TRIQK: variants seen among roughly 807,000 people sequenced by gnomAD.
The protein encoded by TRIQK is triple QxxK/R motif-containing protein.
A neutral mutation model predicts 10.8 loss-of-function variants in TRIQK; 10 were observed. The ratio of observed to expected loss-of-function variants is 0.92; its 90% CI spans 0.57 to 1.57. TRIQK has a LOEUF of 1.57. Ranked by LOEUF, TRIQK falls within the 40% of genes most tolerant of loss-of-function variation. The probability of loss-of-function intolerance (pLI) is 0.00; values close to 1 mark genes in which losing one functional copy is unlikely to be tolerated. For synonymous variants in TRIQK, 33 were observed against 33.7 expected, an observed-to-expected ratio of 0.98 and a Z score of 0.07; for missense variants, 107 against 97.7, an observed-to-expected ratio of 1.09 and a Z score of -0.40.
At chr8:92,980,375 G>T (rs553356449) in intron 1 of TRIQK, among the ~76,000 whole-genome samples, 1 of 152,022 alleles carries the variant, frequency 6.6e-6, no homozygotes, top group African/African-American at 2.4e-5. Flanking sequence ...GGGTGTGTGT[G>T]TGTGTGTGTC....
rs140784199 is a variant in TRIQK, at chr8:93,012,822, G to T, written c.-181+4787C>A. Among the ~76,000 whole-genome samples the T allele has an allele frequency of 1.4e-3, 215 of 152,252 alleles. 1 individual carries two copies. The highest frequency in any genetic ancestry group is 6.8e-3 in the Middle Eastern group (2 of 294). Reference sequence around the variant, plus strand: ...GTGGCTTTCTCAAAATGTAGTGCTGGAACCACCAGCAGCAGCATCGCTTGA... The same window carrying T: ...GTGGCTTTCTCAAAATGTAGTGCTGTAACCACCAGCAGCAGCATCGCTTGA... On this transcript the variant is annotated intron_variant, in intron 1 of 4. Coordinates refer to the TRIQK transcript ENST00000520686.
At chr8:92,908,198 C>A (rs965516028) in intron 3 of TRIQK, among the ~76,000 whole-genome samples, 1 of 152,086 alleles carries the variant, frequency 6.6e-6, no homozygotes, top group Non-Finnish European at 1.5e-5. Context: ...CTCATTATCA[C>A]GTGAATATCT....
At chr8:92,949,022 A>C (rs1038776319) in intron 2 of TRIQK, among the ~76,000 whole-genome samples, 1 of 152,160 alleles carries the variant, frequency 6.6e-6, no homozygotes, top group African/African-American at 2.4e-5. Flanking sequence ...GCAAACACCA[A>C]GCTGTAACCA....
At chr8:92,977,708 A>G (rs1021985840) in intron 1 of TRIQK, among the ~76,000 whole-genome samples, 1 of 151,928 alleles carries the variant, frequency 6.6e-6, no homozygotes, top group African/African-American at 2.4e-5. Flanking sequence ...ACACCTGGGC[A>G]TTTTTTTATT....
rs1043715339 is a variant in TRIQK at position 92,975,170 on chromosome 8, G to T, written c.-180-20606C>A. ...TCCCCAGTTTCCACAGGCTGGAGGA[G>T]CCAGGGTTTGATTTTGGTCCCAGAG... On this transcript the variant is annotated intron_variant, in intron 1 of 4. Transcript: ENST00000520686. 5.3e-5 allele frequency among the ~76,000 whole-genome samples: 8 copies of T among 152,360 alleles called. No homozygotes were observed. The East Asian group carries it at 1.5e-3, about 29-fold the overall frequency.
At chr8:92,896,895 C>A (rs1274553929) in intron 3 of TRIQK, among the ~76,000 whole-genome samples, 7 of 151,764 alleles carry the variant, frequency 4.6e-5, no homozygotes, top group African/African-American at 1.5e-4. Flanking sequence ...TGGCTCACTG[C>A]AACCTCTGCC....
At chr8:92,893,547 T>C (rs938432543) in intron 3 of TRIQK, among the ~76,000 whole-genome samples, 1 of 151,938 alleles carries the variant, frequency 6.6e-6, no homozygotes, top group South Asian at 2.1e-4. Flanking sequence ...ACAAAATACA[T>C]GAGAAAAATG....
chr8:92,996,562 G>C (rs186834545), intron 1 of TRIQK, among the ~76,000 whole-genome samples: 17 of 151,956 alleles, frequency 1.1e-4, no homozygotes, highest in Non-Finnish European at 2.2e-4. Context: ...GAAGTGACAT[G>C]AACTCAGAGA....
intron 2 of TRIQK, among the ~76,000 whole-genome samples, chr8:92,943,723 G>A (rs117343764): frequency 0.012 from 1,888 of 152,222 alleles, 22 homozygotes; most frequent in Non-Finnish European, 0.018. Context: ...AAAACTGCTA[G>A]GAGAAATGCT....
chr8:92,903,631 T>C (rs1361080779), intron 3 of TRIQK, among the ~76,000 whole-genome samples: 1 of 152,144 alleles, frequency 6.6e-6, no homozygotes, highest in Admixed American at 6.6e-5. Flanking sequence ...ATTACTCTTT[T>C]CTCATGTTGT....
intron 1 of TRIQK, among the ~76,000 whole-genome samples, chr8:92,985,257 C>T (rs1813020869): frequency 6.6e-6 from 1 of 150,720 alleles, no homozygotes; most frequent in Admixed American, 6.6e-5. Context: ...CACGCATGCA[C>T]ATGCACATGC....
intron 3 of TRIQK, among the ~76,000 whole-genome samples, chr8:92,895,725 G>C (rs191066023): frequency 1.3e-5 from 2 of 152,218 alleles, no homozygotes; most frequent in African/African-American, 4.8e-5. Flanking sequence ...TTATATGGAA[G>C]ACAGAATGTA....
At chr8:92,915,903 C>T (rs1809814260) in intron 3 of TRIQK, among the ~76,000 whole-genome samples, 1 of 151,856 alleles carries the variant, frequency 6.6e-6, no homozygotes. Flanking sequence ...ATAGAGCGTA[C>T]TTTTTGTGTC....
chr8:92,917,432 A>C (rs555167187), intron 2 of TRIQK, among the ~76,000 whole-genome samples: 5 of 152,162 alleles, frequency 3.3e-5, no homozygotes, highest in African/African-American at 1.2e-4. Context: ...TTTGAATCTC[A>C]AGTATTTTGT....
chr8:92,967,547 T>C (rs1254227379), upstream of TRIQK, among the ~76,000 whole-genome samples: 1 of 151,992 alleles, frequency 6.6e-6, no homozygotes, highest in Non-Finnish European at 1.5e-5. Context: ...TTTGGCCAGG[T>C]GTGGTGGTTC....
intron 1 of TRIQK, among the ~76,000 whole-genome samples, chr8:92,963,020 G>C (rs1007457625): frequency 1.7e-4 from 26 of 152,142 alleles, no homozygotes; most frequent in African/African-American, 4.8e-5. Flanking sequence ...GTTTACAAAC[G>C]CAAGAGAGGA....
intron 2 of TRIQK, among the ~76,000 whole-genome samples, chr8:92,923,904 C>T (rs1810311225): frequency 6.6e-6 from 1 of 151,712 alleles, no homozygotes; most frequent in South Asian, 2.1e-4. Flanking sequence ...CCAGAAAGAA[C>T]AAGTAAAGAA....
intron 2 of TRIQK, among the ~76,000 whole-genome samples, chr8:92,933,895 G>A (rs923432593): frequency 1.2e-4 from 18 of 151,994 alleles, no homozygotes; most frequent in East Asian, 3.9e-4. Context: ...CTATTTTAGC[G>A]GCAAGCATCA....
chr8:92,922,043 A>G (rs559065565), intron 2 of TRIQK, among the ~76,000 whole-genome samples: 70 of 151,974 alleles, frequency 4.6e-4, no homozygotes, highest in Middle Eastern at 3.4e-3. Flanking sequence ...TATTATTGCA[A>G]TATCTAGGAA....
Sources: allele counts gnomAD v4.1 joint callset (sites outside exome capture counted in the v4.1 genomes callset), GRCh38; gene constraint gnomAD v4.1.1; transcripts MANE v1.5; gene names NCBI Gene and HGNC (gene_info 2026-07-23, HGNC 2026-07-21).